ASAP1: variants seen among roughly 807,000 people sequenced by gnomAD.
ASAP1 encodes the protein ArfGAP with SH3 domain, ankyrin repeat and PH domain 1.
Under a neutral mutation model 145.2 loss-of-function variants are expected in ASAP1, and 43 were observed. The ratio of observed to expected loss-of-function variants is 0.30; its 90% CI spans 0.23 to 0.38. The LOEUF is 0.38. ASAP1 is among the 10% of genes least tolerant of loss of function. ASAP1 has a pLI of 1.00. For missense variants in ASAP1, 1,018 were observed against 1,355.3 expected (o/e 0.75, Z 3.91); for synonymous variants, 546 against 515.5 (o/e 1.06, Z -0.80).
At chr8:130,107,551 T>C (rs551485706) in intron 24 of ASAP1, among the ~76,000 whole-genome samples, 1 of 125,588 alleles carries the variant, frequency 8.0e-6, no homozygotes, top group Admixed American at 7.7e-5. Context: ...TGTATGTATG[T>C]ATGTATGTAT....
At chr8:130,434,535 TA>T (rs1262790014) in intron 1 of ASAP1, among the ~76,000 whole-genome samples, 5 of 152,284 alleles carry the variant, frequency 3.3e-5, no homozygotes, top group Middle Eastern at 3.4e-3. Context: ...GAGCAATACA[TA>T]ATAGCTATCA....
intron 4 of ASAP1, among the ~76,000 whole-genome samples, chr8:130,218,756 G>C (rs538718387): frequency 6.6e-6 from 1 of 152,118 alleles, no homozygotes; most frequent in Non-Finnish European, 1.5e-5. Flanking sequence ...AATGTGACGT[G>C]AGTGAGGCAG....
At chr8:130,292,179 A>G (rs1484262634) in intron 3 of ASAP1, among the ~76,000 whole-genome samples, 1 of 152,238 alleles carries the variant, frequency 6.6e-6, no homozygotes, top group East Asian at 1.9e-4. Flanking sequence ...GGCAAAAAAC[A>G]AAGTCTGAAT....
At chr8:130,339,011 A>G (rs1026522699) in intron 3 of ASAP1, among the ~76,000 whole-genome samples, 11 of 152,212 alleles carry the variant, frequency 7.2e-5, no homozygotes, top group African/African-American at 1.2e-4. Flanking sequence ...TTCCCCACCT[A>G]AGAAGTGCAG....
intron 1 of ASAP1, among the ~76,000 whole-genome samples, chr8:130,424,558 G>A (rs1388261238): frequency 6.6e-6 from 1 of 152,106 alleles, no homozygotes; most frequent in Non-Finnish European, 1.5e-5. Flanking sequence ...GTGACATGCT[G>A]GGATTGGAAG....
At chr8:130,331,295 T>C (rs890588473) in intron 3 of ASAP1, among the ~76,000 whole-genome samples, 4 of 152,186 alleles carry the variant, frequency 2.6e-5, no homozygotes, top group Non-Finnish European at 4.4e-5. Context: ...CTTAGATCCA[T>C]CCTTCTGAAC....
intron 8 of ASAP1, among the ~76,000 whole-genome samples, chr8:130,180,082 G>A (rs1274535616): frequency 2.0e-5 from 3 of 147,158 alleles, no homozygotes; most frequent in Non-Finnish European, 3.0e-5. Context: ...GGGGAAGGGG[G>A]AAAGAGAAAG....
intron 3 of ASAP1, among the ~76,000 whole-genome samples, chr8:130,269,558 C>T (rs1163003548): frequency 6.6e-6 from 1 of 152,204 alleles, no homozygotes; most frequent in South Asian, 2.1e-4. Context: ...ACCAAAGTCC[C>T]TCTCCAAGTT....
At chr8:130,441,319 T>C (rs1018909950) in intron 1 of ASAP1, among the ~76,000 whole-genome samples, 3 of 152,146 alleles carry the variant, frequency 2.0e-5, no homozygotes, top group African/African-American at 7.2e-5. Flanking sequence ...TTAGGACTTC[T>C]TAGGAGGTAA....
rs1267954200 is a variant in ASAP1 at position 130,116,883 on chromosome 8, T to C, written c.1993A>G (p.Ile665Val). 6.2e-6 allele frequency: 10 copies of C among 1,612,312 alleles called. No homozygotes were observed. Among genetic ancestry groups the C allele is most frequent in the Non-Finnish European group, 8.5e-6 (10 of 1,178,398 alleles). Residue 665 changes from isoleucine to valine, a missense_variant, in exon 21 of 30, where the codon ATA becomes GTA. This residue lies in a region of ASAP1 where 353 missense variants were observed against 375.4 expected (regional missense o/e 0.94). Transcript: ENST00000518721. ...AAGACACTAGACACACTCTTACCTA[T>C]ATCCACAGTGGGCTTGCTCCTGAGC... ...LLLRSKPTVD[I>V]VNQAGETALD...
In ASAP1 at chr8:130,053,168, C is replaced by T. The variant is rs1157307359; in HGVS notation, c.*1563G>A. ...CTGTAACGATGGAAGAGGGCTTTTC[C>T]TAAGGGTTGGGTTGGGAGTTGTGCT... On this transcript the variant is annotated 3_prime_UTR_variant, in exon 30 of 30. Transcript: ENST00000518721. The T allele has an allele frequency of 6.6e-6, 1 of 152,132 alleles. No individual in the cohort carries two copies. The highest frequency in any genetic ancestry group is 1.5e-5 in the Non-Finnish European group (1 of 68,022). The allele number at this position is 152,132 out of a possible 1,614,324, so 9.4% of individuals were successfully genotyped here. A position where few individuals can be genotyped will look rare whatever the true frequency, so the allele number is the denominator to read the frequency against.
chr8:130,317,390 T>A (rs561624291), intron 3 of ASAP1, among the ~76,000 whole-genome samples: 4 of 152,306 alleles, frequency 2.6e-5, no homozygotes, highest in African/African-American at 9.6e-5. Context: ...TAAACTGAAA[T>A]GCCACCATCA....
chr8:130,243,682 T>G (rs1351041281), intron 3 of ASAP1, among the ~76,000 whole-genome samples: 2 of 152,172 alleles, frequency 1.3e-5, no homozygotes, highest in Non-Finnish European at 2.9e-5. Flanking sequence ...CCTGAAATCT[T>G]TTTCTTAAAA....
chr8:130,400,605 G>C (rs924538897), intron 2 of ASAP1, among the ~76,000 whole-genome samples: 14 of 147,562 alleles, frequency 9.5e-5, no homozygotes, highest in African/African-American at 3.6e-4. Context: ...GGCTAACACG[G>C]TGAAACCCGT....
intron 4 of ASAP1, among the ~76,000 whole-genome samples, chr8:130,235,944 T>A (rs1818188149): frequency 6.6e-6 from 1 of 152,124 alleles, no homozygotes. Flanking sequence ...CCTTTACAGA[T>A]ATGAGATCAT....
At chr8:130,223,414 A>G (rs1416692375) in intron 4 of ASAP1, among the ~76,000 whole-genome samples, 3 of 152,208 alleles carry the variant, frequency 2.0e-5, no homozygotes, top group African/African-American at 7.2e-5. Flanking sequence ...GAATGAGTCT[A>G]AAAATACCTT....
chr8:130,281,128 T>A (rs1409414661), intron 3 of ASAP1, among the ~76,000 whole-genome samples: 3 of 152,122 alleles, frequency 2.0e-5, no homozygotes, highest in Non-Finnish European at 2.9e-5. Context: ...TGGGGCTGTA[T>A]GACACTGAAC....
intron 27 of ASAP1, 56 bp downstream of exon 27, chr8:130,076,292 T>G: frequency 7.2e-7 from 1 of 1,382,144 alleles, no homozygotes; most frequent in Non-Finnish European, 1.0e-6. Context: ...CTTGGGCCCC[T>G]TGGAGGGGGT....
At chr8:130,129,458 T>G (rs2097580014) in intron 15 of ASAP1, among the ~76,000 whole-genome samples, 1 of 152,232 alleles carries the variant, frequency 6.6e-6, no homozygotes, top group South Asian at 2.1e-4. Context: ...GAACTTGTAT[T>G]ACTTTCATGA....
Sources: gnomAD v4.1 joint callset for allele counts (sites outside exome capture counted in the v4.1 genomes callset) on GRCh38, gnomAD v4.1.1 for gene constraint, gnomAD v4.1.1 regional missense constraint, MANE v1.5 for transcripts, NCBI Gene and HGNC (gene_info 2026-07-23, HGNC 2026-07-21) for gene names.